The following IFT140 variants were observed in gnomAD, a reference collection of about 807,000 sequenced individuals.
The protein encoded by IFT140 is intraflagellar transport protein 140 homolog.
IFT140 carries 133 observed loss-of-function variants against 164.6 expected under a neutral mutation model. The observed-to-expected ratio is 0.81, with a 90% CI of 0.70 to 0.93. IFT140 has a LOEUF of 0.93. Among genes scored for constraint, IFT140 ranks in the 40% least tolerant of loss-of-function variants. IFT140 has a pLI of 0.00. For missense variants in IFT140, 2,045 were observed against 1,972.3 expected (o/e 1.04, Z -0.70); for synonymous variants, 860 against 817.3 (o/e 1.05, Z -0.89).
intron 14 of IFT140, among the ~76,000 whole-genome samples, chr16:1,569,514 TTTTC>T (rs919450284): frequency 3.0e-4 from 44 of 145,790 alleles, no homozygotes; most frequent in South Asian, 4.7e-4. Context: ...TCTTTCCCTT[TTTTC>T]TTTCTTTCTT....
chr16:1,524,513 C>G, intron 24 of IFT140, 39 bp downstream of exon 24: 1 of 1,606,376 alleles, frequency 6.2e-7, no homozygotes, highest in Non-Finnish European at 8.5e-7. Context: ...CTCAGGGGAC[C>G]TCGAGAAGCG....
intron 20 of IFT140, 111 bp downstream of exon 20, chr16:1,526,508 C>T: frequency 1.7e-6 from 2 of 1,162,906 alleles, no homozygotes; most frequent in Non-Finnish European, 2.3e-6. Context: ...CTCGGCTCTG[C>T]CCACATCAGT....
rs1055889482 is a variant in IFT140, at chr16:1,519,993, C to T, written c.3928G>A (p.Ala1310Thr). 4 of 1,605,682 alleles carry T rather than the reference C, an allele frequency of 2.5e-6. No individual in the cohort carries two copies. Among genetic ancestry groups the T allele is most frequent in the Non-Finnish European group, 2.5e-6 (3 of 1,176,580 alleles). The change falls in exon 29 of 31, where the codon GCC becomes ACC. Residue 1310 changes from alanine to threonine, a missense_variant. Transcript: ENST00000426508. The stretch of plus-strand genomic sequence containing the variant: ...TTGGCCTTGGCCAGGCACTTGTAGG[C>T]CTCGGTCAGCGCCCCGTGGGCTTTG... Reference protein sequence around the residue: ...YDKAHGALTEAYKCLAKAKAK... With the variant: ...YDKAHGALTETYKCLAKAKAK...
chr16:1,560,924 C>T (rs1242653062), intron 18 of IFT140, among the ~76,000 whole-genome samples: 1 of 152,214 alleles, frequency 6.6e-6, no homozygotes, highest in Non-Finnish European at 1.5e-5. Context: ...GAGTGTGTAA[C>T]AGGAGAGAAG....
At chr16:1,561,503 A>G (rs2033407914) in intron 18 of IFT140, among the ~76,000 whole-genome samples, 1 of 152,194 alleles carries the variant, frequency 6.6e-6, no homozygotes, top group Non-Finnish European at 1.5e-5. Context: ...GCCTGCCCAC[A>G]GTGGCTGCCT....
At chr16:1,544,739 C>G (rs1433955417) in intron 19 of IFT140, among the ~76,000 whole-genome samples, 1 of 151,886 alleles carries the variant, frequency 6.6e-6, no homozygotes, top group East Asian at 1.9e-4. Flanking sequence ...AGCTCCGCCT[C>G]CCGGGTTCAC....
chr16:1,584,247 G>T lies in IFT140; in HGVS notation c.1329C>A (p.Asp443Glu), dbSNP rs1330124466. Residue 443 changes from aspartate to glutamate, a missense_variant, in exon 11 of 31, where the codon GAC (aspartate) becomes GAA (glutamate). Physicochemically the swap from Asp to Glu is conservative, Grantham distance 45 (BLOSUM62 2). Coordinates refer to ENST00000426508, the MANE Select transcript of IFT140 (RefSeq NM_014714.4). ...STGVAHSLRT[D>E]MHISGVFATK... ...TGGCAAACACTCCACTGATGTGCAT[G>T]TCGGTGCGCAGGCTGTGTGCGACCC... 4 of 1,613,828 alleles carry T rather than the reference G, an allele frequency of 2.5e-6. No individual in the cohort carries two copies. The highest frequency in any genetic ancestry group is 2.5e-6 in the Non-Finnish European group (3 of 1,180,002).
At chr16:1,524,980 AC>A in intron 22 of IFT140, 64 bp from the exon 23 acceptor site, 1 of 1,321,954 alleles carries the variant, frequency 7.6e-7, no homozygotes, top group Non-Finnish European at 1.0e-6. Context: ...GACGGCCCCC[AC>A]CCCGCCCCTG....
intron 20 of IFT140, 185 bp downstream of exon 20, chr16:1,526,434 C>T (rs983408902): frequency 1.2e-4 from 81 of 674,952 alleles, no homozygotes; most frequent in South Asian, 7.8e-4. Flanking sequence ...AGCCGGCGGT[C>T]GCCTAGCCTC....
chr16:1,517,838 A>T (rs2040408643), intron 30 of IFT140, among the ~76,000 whole-genome samples: 2 of 151,988 alleles, frequency 1.3e-5, no homozygotes, highest in South Asian at 4.2e-4. Context: ...TGCTACCGAC[A>T]GATTTTTTTT....
intron 3 of IFT140, among the ~76,000 whole-genome samples, chr16:1,606,889 T>G (rs2036093565): frequency 6.7e-6 from 1 of 148,964 alleles, no homozygotes; most frequent in African/African-American, 2.5e-5. Flanking sequence ...AGCATACAGA[T>G]GCACACACAC....
intron 15 of IFT140, among the ~76,000 whole-genome samples, chr16:1,566,662 C>T (rs11648819): frequency 0.052 from 7,989 of 152,212 alleles, 437 homozygotes; most frequent in Admixed American, 0.17. Flanking sequence ...TTTTCCACTG[C>T]TTCCTTCTGC....
At chr16:1,546,144 T>C (rs528347798) in intron 19 of IFT140, among the ~76,000 whole-genome samples, 165 of 152,326 alleles carry the variant, frequency 1.1e-3, no homozygotes, top group African/African-American at 3.8e-3. Context: ...AAAGGAGTAT[T>C]GAAGGGGGTC....
chr16:1,606,477 T>C (rs1247515634), intron 3 of IFT140, among the ~76,000 whole-genome samples: 1 of 152,254 alleles, frequency 6.6e-6, no homozygotes, highest in Non-Finnish European at 1.5e-5. Flanking sequence ...TTTTCTTTTC[T>C]GAGACAGAGT....
intron 18 of IFT140, among the ~76,000 whole-genome samples, chr16:1,560,356 G>A (rs1052649157): frequency 2.0e-5 from 3 of 152,178 alleles, no homozygotes; most frequent in Admixed American, 6.5e-5. Flanking sequence ...CCAGGAACAC[G>A]GCCGCCAACC....
intron 18 of IFT140, 128 bp from the exon 19 acceptor site, chr16:1,558,262 C>A: frequency 2.2e-6 from 2 of 891,516 alleles, no homozygotes; most frequent in Non-Finnish European, 3.5e-6. Context: ...AGATATTTAC[C>A]AACAGGCCCA....
chr16:1,569,083 C>A (rs1460597232), intron 14 of IFT140, among the ~76,000 whole-genome samples: 1 of 150,968 alleles, frequency 6.6e-6, no homozygotes, highest in Non-Finnish European at 1.5e-5. Flanking sequence ...CGGCTCACTG[C>A]AAGCTCCGCC....
chr16:1,513,846 TG>T (rs1317197824), intron 30 of IFT140, among the ~76,000 whole-genome samples: 5 of 146,726 alleles, frequency 3.4e-5, no homozygotes, highest in Non-Finnish European at 6.0e-5. Flanking sequence ...GCTAATTTTT[TG>T]TATTTTTAGT....
intron 27 of IFT140, 88 bp from the exon 28 acceptor site, chr16:1,520,431 A>AT: frequency 1.4e-6 from 2 of 1,461,084 alleles, no homozygotes; most frequent in Non-Finnish European, 1.9e-6. Flanking sequence ...TCACAAGAAG[A>AT]GTGGCTCAGG....
Sources: gnomAD v4.1 joint callset for allele counts (sites outside exome capture counted in the v4.1 genomes callset) on GRCh38, gnomAD v4.1.1 for gene constraint, MANE v1.5 for transcripts, NCBI Gene and HGNC (gene_info 2026-07-23, HGNC 2026-07-21) for gene names.